The following PCDHA1 variants were observed in gnomAD, a reference collection of about 807,000 sequenced individuals.
The protein encoded by PCDHA1 is protocadherin alpha 1, also known as protocadherin alpha-1.
PCDHA1 carries 42 observed loss-of-function variants against 61.3 expected under a neutral mutation model. The observed-to-expected ratio is 0.69, with a 90% CI of 0.54 to 0.89. PCDHA1 has a LOEUF of 0.89. Among genes scored for constraint, PCDHA1 ranks in the 40% least tolerant of loss-of-function variants. The probability of loss-of-function intolerance (pLI) is 0.00; values close to 1 mark genes in which losing one functional copy is unlikely to be tolerated. For missense variants in PCDHA1, 1,256 were observed against 1,235.3 expected (o/e 1.02, Z -0.25); for synonymous variants, 610 against 553.8 (o/e 1.10, Z -1.43).
chr5:140,995,286 C>T (rs571122259), intron 3 of PCDHA1, among the ~76,000 whole-genome samples: 18 of 152,182 alleles, frequency 1.2e-4, no homozygotes, highest in African/African-American at 3.4e-4. Context: ...CCAAAACAGC[C>T]AGTCGGATAC....
intron 1 of PCDHA1, chr5:140,842,364 C>T (rs1777899018): frequency 6.8e-6 from 11 of 1,607,810 alleles, no homozygotes; most frequent in East Asian, 2.2e-5. Flanking sequence ...GATAACGTCC[C>T]TGAGATAGCA....
At chr5:140,856,384 G>C (rs202075661) in intron 1 of PCDHA1, 1 of 1,598,540 alleles carries the variant, frequency 6.3e-7, no homozygotes, top group African/African-American at 1.3e-5. Flanking sequence ...TGGACAGGCC[G>C]CTGCAGGTTT....
intron 1 of PCDHA1, among the ~76,000 whole-genome samples, chr5:140,907,596 G>A (rs1554193068): frequency 2.0e-5 from 3 of 152,214 alleles, no homozygotes; most frequent in African/African-American, 7.2e-5. Flanking sequence ...ATCACCCTGA[G>A]GAATGGTGCC....
intron 1 of PCDHA1, chr5:140,803,385 G>T: frequency 6.2e-7 from 1 of 1,614,218 alleles, no homozygotes; most frequent in Non-Finnish European, 8.5e-7. Context: ...GCCAACCGAA[G>T]GCGACTGTGG....
At position 141,010,080 on chromosome 5, in the gene PCDHA1, G is replaced by C. The variant is rs2098415967; in HGVS notation, c.*143G>C. On this transcript the variant is annotated 3_prime_UTR_variant, in exon 4 of 4. Transcript: ENST00000504120. The stretch of plus-strand genomic sequence containing the variant: ...AATCTGCAGAAAGTTCCCTGTGTCT[G>C]TCTAGAACGCATTTAACAGGTTTTG... 1 of 1,611,462 alleles carries C rather than the reference G, an allele frequency of 6.2e-7. No homozygotes were observed. The highest frequency in any genetic ancestry group is 1.1e-5 in the South Asian group (1 of 90,590).
rs782791166 is a variant in PCDHA1, at chr5:140,794,985, G to C, written c.2394+6301G>C. Reference sequence around the variant, plus strand: ...TGGTAATGGCGTCTTCTATCAGAAGGGGCCGAGGGGCCTGGACACGGCTGC... The same window carrying C: ...TGGTAATGGCGTCTTCTATCAGAAGCGGCCGAGGGGCCTGGACACGGCTGC... On this transcript the variant is annotated intron_variant, in intron 1 of 3. Coordinates refer to ENST00000504120, the MANE Select transcript of PCDHA1 (RefSeq NM_018900.4). 1.9e-6 allele frequency: 3 copies of C among 1,612,414 alleles called. No individual in the cohort carries two copies. In the East Asian group the frequency reaches 6.7e-5, roughly 36 times the overall value.
chr5:140,855,813 T>A (rs2043631842), intron 1 of PCDHA1: 2 of 511,660 alleles, frequency 3.9e-6, no homozygotes. Flanking sequence ...AAAGAAAAGT[T>A]GTGAACTCAT....
At chr5:140,804,261 T>A (rs1212354141) in intron 1 of PCDHA1, 2 of 152,214 alleles carry the variant, frequency 1.3e-5, no homozygotes, top group African/African-American at 4.8e-5. Context: ...AGAATAACAA[T>A]TGCATTTAGA....
intron 1 of PCDHA1, chr5:140,857,853 A>G (rs782574851): frequency 1.3e-6 from 2 of 1,597,574 alleles, no homozygotes; most frequent in East Asian, 2.2e-5. Flanking sequence ...GACTCTGGAT[A>G]CAACGCGTGG....
intron 1 of PCDHA1, chr5:140,809,026 G>A (rs781872778): frequency 1.9e-6 from 3 of 1,613,446 alleles, no homozygotes; most frequent in Middle Eastern, 1.7e-4. Context: ...AGCTGCAGCC[G>A]GGGACTGGTG....
rs1554123386 is a variant in PCDHA1 at position 140,805,473 on chromosome 5, T to C, written c.2394+16789T>C. The C allele has an allele frequency of 7.0e-6, 7 of 1,001,662 alleles. 1 individual carries two copies. The South Asian group carries it at 1.3e-4, about 19-fold the overall frequency. The allele number at this position is 1,001,662 out of a possible 1,614,324, so 62.0% of individuals were successfully genotyped here. ...TGTTTGTGTGAGTGTAGTTCTTCAA[T>C]AGAGAGGGAGCGTAAAGCTATTTTC... On this transcript the variant is annotated intron_variant, in intron 1 of 3. Coordinates refer to ENST00000504120, the MANE Select transcript of PCDHA1 (RefSeq NM_018900.4).
intron 1 of PCDHA1, chr5:140,822,583 G>A (rs772485263): frequency 6.2e-7 from 1 of 1,612,276 alleles, no homozygotes; most frequent in Non-Finnish European, 8.5e-7. Context: ...AGATGCAGAT[G>A]AGGGCATCAA....
rs782325970 is a variant in PCDHA1, at chr5:140,802,197, T to A, written c.2394+13513T>A. 7.4e-6 allele frequency: 12 copies of A among 1,614,228 alleles called. No homozygotes were observed. The Admixed American group carries it at 2.0e-4, about 27-fold the overall frequency. ...AGGAAATCCCCCAATGTCAGATCAC[T>A]GCACAGTTCTACTCGAAATTGTGGA... On this transcript the variant is annotated intron_variant, in intron 1 of 3. Coordinates refer to ENST00000504120, the MANE Select transcript of PCDHA1 (RefSeq NM_018900.4).
chr5:140,811,435 T>C (rs1764866760), intron 1 of PCDHA1: 1 of 152,242 alleles, frequency 6.6e-6, no homozygotes, highest in African/African-American at 2.4e-5. Flanking sequence ...TGGTTCCAAG[T>C]CTTTGCTATT....
intron 1 of PCDHA1, chr5:140,849,642 G>C (rs2150443693): frequency 3.8e-6 from 6 of 1,598,700 alleles, no homozygotes; most frequent in Admixed American, 3.4e-5. Flanking sequence ...AGATGCCAAC[G>C]GGCAGGTTAC....
chr5:140,975,903 C>A (rs1189531342), intron 1 of PCDHA1, among the ~76,000 whole-genome samples: 1 of 152,090 alleles, frequency 6.6e-6, no homozygotes, highest in Admixed American at 6.6e-5. Context: ...AGTTTTGTGA[C>A]CATTATTCTA....
chr5:140,884,384 G>T (rs782701367), intron 1 of PCDHA1: 1 of 1,613,972 alleles, frequency 6.2e-7, no homozygotes. Flanking sequence ...TGCCATCTGC[G>T]CGGTGTCCAG....
At chr5:140,872,550 C>T (rs1319043831) in intron 1 of PCDHA1, among the ~76,000 whole-genome samples, 1 of 152,046 alleles carries the variant, frequency 6.6e-6, no homozygotes, top group African/African-American at 2.4e-5. Context: ...TCCCCTGAAC[C>T]CAGGGGTTCA....
intron 1 of PCDHA1, chr5:140,803,290 T>G (rs1554122687): frequency 8.7e-6 from 14 of 1,613,920 alleles, no homozygotes; most frequent in Non-Finnish European, 1.2e-5. Flanking sequence ...GATGTCAACG[T>G]GTACTTGATC....
Sources: gnomAD v4.1 joint callset for allele counts (sites outside exome capture counted in the v4.1 genomes callset) on GRCh38, gnomAD v4.1.1 for gene constraint, MANE v1.5 for transcripts, NCBI Gene and HGNC (gene_info 2026-07-23, HGNC 2026-07-21) for gene names.